LZIC: variants seen among roughly 807,000 people sequenced by gnomAD.
The protein encoded by LZIC is protein LZIC.
A neutral mutation model predicts 25.4 loss-of-function variants in LZIC; 28 were observed. That is an observed-to-expected ratio of 1.10 (90% confidence interval 0.82 to 1.51). LZIC has a LOEUF of 1.51. LZIC is among the 40% of genes most tolerant of loss of function. The pLI is 0.00. For synonymous variants in LZIC, 65 were observed against 70.7 expected, an observed-to-expected ratio of 0.92 and a Z score of 0.40; for missense variants, 170 against 211.1, an observed-to-expected ratio of 0.81 and a Z score of 1.21.
Position 9,931,917 on chromosome 1 carries a change from T to A in LZIC, c.488A>T (p.Gln163Leu), listed in dbSNP as rs780834318. 6.2e-7 allele frequency: 1 copy of A among 1,613,726 alleles called. No homozygotes were observed. Among genetic ancestry groups the A allele is most frequent in the South Asian group, 1.1e-5 (1 of 91,060 alleles). ...LSANAGAILSQFEKVSTDLGS... is the reference protein window; with the variant it reads ...LSANAGAILSLFEKVSTDLGS... Reference sequence around the variant, plus strand: ...AAGGTCTGTAGAGACTTTCTCAAACTGGCTGAGTATAGCACCTGCATTTGC... The same window carrying A: ...AAGGTCTGTAGAGACTTTCTCAAACAGGCTGAGTATAGCACCTGCATTTGC... Residue 163 changes from glutamine (Q) to leucine (L), a missense_variant, in exon 7 of 8, where the codon CAG becomes CTG. By Grantham distance (113) the Gln-to-Leu change is moderately radical. Coordinates refer to ENST00000377223, the MANE Select transcript of LZIC (RefSeq NM_032368.5).
chr1:9,937,604 T>C (rs1333903592), intron 2 of LZIC, among the ~76,000 whole-genome samples: 2 of 151,640 alleles, frequency 1.3e-5, no homozygotes, highest in Non-Finnish European at 2.9e-5. Context: ...CTCAACACTT[T>C]GGGAGCCTGA....
chr1:9,935,184 C>A (rs1395307482), intron 4 of LZIC, among the ~76,000 whole-genome samples: 2 of 151,938 alleles, frequency 1.3e-5, no homozygotes, highest in African/African-American at 4.8e-5. Flanking sequence ...AATCCCAGCA[C>A]TTTGGGAGGC....
At chr1:9,922,246 C>T (rs767831280), downstream of LZIC, 18 of 964,216 alleles carry the variant, frequency 1.9e-5, no homozygotes, top group Non-Finnish European at 2.1e-5. Context: ...CTTGCAGTTA[C>T]GCATGTATTC....
intron 3 of LZIC, among the ~76,000 whole-genome samples, 157 bp downstream of exon 3, chr1:9,936,362 T>C (rs1442070825): frequency 6.6e-6 from 1 of 152,114 alleles, no homozygotes; most frequent in East Asian, 1.9e-4. Flanking sequence ...CCTTTATGAC[T>C]CCAAAGCCTG....
chr1:9,941,496 T>A (rs1346928424), intron 2 of LZIC, among the ~76,000 whole-genome samples: 1 of 150,992 alleles, frequency 6.6e-6, no homozygotes, highest in Non-Finnish European at 1.5e-5. Flanking sequence ...TGCCTAGCCT[T>A]TACCTTTTTT....
At chr1:9,939,728 CTTTA>C (rs2101610338) in intron 2 of LZIC, among the ~76,000 whole-genome samples, 1 of 152,108 alleles carries the variant, frequency 6.6e-6, no homozygotes, top group East Asian at 1.9e-4. Flanking sequence ...AATGACTTGC[CTTTA>C]TTGTTTTCTC....
chr1:9,942,263 A>G (rs1184769831), intron 2 of LZIC, among the ~76,000 whole-genome samples: 4 of 152,126 alleles, frequency 2.6e-5, no homozygotes, highest in East Asian at 1.9e-4. Context: ...TTAATTATAT[A>G]TGATTTTATT....
At position 9,931,897 on chromosome 1, in the gene LZIC, C is replaced by T; in HGVS notation, c.508G>A (p.Asp170Asn). The T allele has an allele frequency of 6.2e-7, 1 of 1,612,220 alleles. No homozygotes were observed. The highest frequency in any genetic ancestry group is 8.5e-7 in the Non-Finnish European group (1 of 1,178,688). Reference sequence around the variant, plus strand: ...GAAATATGAGGGCACTCACCAAGGTCTGTAGAGACTTTCTCAAACTGGCTG... The same window carrying T: ...GAAATATGAGGGCACTCACCAAGGTTTGTAGAGACTTTCTCAAACTGGCTG... ...ILSQFEKVST[D>N]LGSGDKILAL... Residue 170 changes from aspartate to asparagine, a missense_variant, in exon 7 of 8, where the codon GAC becomes AAC. Physicochemically the swap from Asp to Asn is conservative, Grantham distance 23 (BLOSUM62 1). Coordinates refer to ENST00000377223, the MANE Select transcript of LZIC (RefSeq NM_032368.5).
chr1:9,942,945 G>C (rs1411428721), intron 1 of LZIC, 163 bp from the exon 2 acceptor site: 2 of 354,506 alleles, frequency 5.6e-6, no homozygotes, highest in Admixed American at 3.7e-5. Context: ...TCTTCCTAGC[G>C]AGGCCGAGAG....
Position 9,926,666 on chromosome 1 carries a change from T to A in LZIC, c.*3733A>T, listed in dbSNP as rs917960034. ...TTCAATGGTCCGATTGGACACTTGCTCATTGGAACTTATTTCTGCTTCAGC... is the reference window on the plus strand; with the variant it reads ...TTCAATGGTCCGATTGGACACTTGCACATTGGAACTTATTTCTGCTTCAGC... On this transcript the variant is annotated 3_prime_UTR_variant, in exon 8 of 8. Coordinates refer to ENST00000377223, the MANE Select transcript of LZIC (RefSeq NM_032368.5). Among the ~76,000 whole-genome samples, 1 of 152,232 alleles carries A rather than the reference T, an allele frequency of 6.6e-6. No individual in the cohort carries two copies. The highest frequency in any genetic ancestry group is 6.5e-5 in the Admixed American group (1 of 15,276).
intron 3 of LZIC, among the ~76,000 whole-genome samples, chr1:9,936,235 T>C (rs1242301987): frequency 2.0e-5 from 3 of 151,838 alleles, no homozygotes; most frequent in African/African-American, 7.3e-5. Flanking sequence ...TGACAGCAGG[T>C]AGGACTGATT....
Position 9,928,228 on chromosome 1 carries a change from G to A in LZIC, c.*2171C>T, listed in dbSNP as rs2919694. Among the ~76,000 whole-genome samples the A allele has an allele frequency of 0.6, 90,658 of 151,428 alleles. 31,511 individuals carry two copies. The highest frequency in any genetic ancestry group is 0.78 in the Non-Finnish European group (52,762 of 67,720). On this transcript the variant is annotated 3_prime_UTR_variant, in exon 8 of 8. Coordinates refer to ENST00000377223, the MANE Select transcript of LZIC (RefSeq NM_032368.5). ...CTCGGGAGGCTGAGGCAGGAGAATC[G>A]CTTGAACCTGGGAGGCAGAAGTTGT...
Position 9,930,300 on chromosome 1 carries a change from T to G in LZIC, c.*99A>C. ...CTTTTTCTTAGGTTATTGATGCATT[T>G]CCAGAATCTCTTCATTTCTTTGCAA... is the stretch of plus-strand genomic sequence containing the variant. On this transcript the variant is annotated 3_prime_UTR_variant, in exon 8 of 8. Transcript: ENST00000377223. 6.4e-7 allele frequency: 1 copy of G among 1,562,420 alleles called. No individual in the cohort carries two copies. The highest frequency in any genetic ancestry group is 8.6e-7 in the Non-Finnish European group (1 of 1,157,632).
downstream of LZIC, chr1:9,922,447 T>G (rs573359020): frequency 7.3e-4 from 291 of 400,018 alleles, 4 homozygotes; most frequent in Middle Eastern, 0.018. Flanking sequence ...TATCCTAGAT[T>G]GACTTTAATG....
In LZIC at chr1:9,928,353, G is replaced by A. The variant is rs185663134; in HGVS notation, c.*2046C>T. 3.2e-4 allele frequency among the ~76,000 whole-genome samples: 49 copies of A among 152,092 alleles called. No individual in the cohort carries two copies. In the East Asian group the frequency reaches 9.1e-3, roughly 28 times the overall value. On this transcript the variant is annotated 3_prime_UTR_variant, in exon 8 of 8. Coordinates refer to ENST00000377223, the MANE Select transcript of LZIC (RefSeq NM_032368.5). ...CAACAACAACACAACAACAAACGCA[G>A]CAATTCCATTCCTAGGTGTACACCC... is the stretch of plus-strand genomic sequence containing the variant.
intron 5 of LZIC, among the ~76,000 whole-genome samples, chr1:9,933,932 AAAAC>A (rs1171575521): frequency 2.6e-5 from 4 of 152,006 alleles, no homozygotes; most frequent in East Asian, 1.9e-4. Flanking sequence ...AAAAAAACAA[AAAAC>A]AAACAAAAGG....
chr1:9,930,746 T>C (rs796770868), intron 7 of LZIC, among the ~76,000 whole-genome samples: 26 of 152,132 alleles, frequency 1.7e-4, no homozygotes, highest in South Asian at 1.2e-3. Context: ...TGAGATGGAG[T>C]TTCGCTCTTG....
downstream of LZIC, chr1:9,922,317 GGT>G (rs1639885336): frequency 1.0e-6 from 1 of 985,216 alleles, no homozygotes; most frequent in African/African-American, 1.7e-5. Flanking sequence ...TTTTTGCTGG[GGT>G]GTGAGTCTAG....
At position 9,935,726 on chromosome 1, in the gene LZIC, T is replaced by C. The variant is rs151336948; in HGVS notation, c.102-99A>G. The C allele has an allele frequency of 1.7e-4, 190 of 1,118,084 alleles. No homozygotes were observed. In the African/African-American group the frequency reaches 2.6e-3, roughly 15 times the overall value. 69.3% of individuals were successfully genotyped at this position (1,118,084 alleles called of 1,614,324 possible). Reference sequence around the variant, plus strand: ...ATTAGAGAAAGACTGAAGGGAAATATCAAAATGCTGATGGTGAATGTGTTC... The same window carrying C: ...ATTAGAGAAAGACTGAAGGGAAATACCAAAATGCTGATGGTGAATGTGTTC... On this transcript the variant is annotated intron_variant, in intron 3 of 7. Transcript: ENST00000377223.
Sources: allele counts gnomAD v4.1 joint callset (sites outside exome capture counted in the v4.1 genomes callset), GRCh38; gene constraint gnomAD v4.1.1; transcripts MANE v1.5; gene names NCBI Gene and HGNC (gene_info 2026-07-23, HGNC 2026-07-21).